CH25H: variants seen among roughly 807,000 people sequenced by gnomAD.
CH25H encodes the protein cholesterol 25-hydroxylase.
In CH25H, 10 loss-of-function variants were observed where a neutral mutation model predicts 16.6. The observed-to-expected ratio is 0.60, with a 90% confidence interval of 0.37 to 1.02. CH25H has a LOEUF of 1.02. CH25H is among the 50% of genes least tolerant of loss of function. The pLI is 0.01. For missense variants in CH25H, 326 were observed against 344.7 expected (o/e 0.95, Z 0.43); for synonymous variants, 178 against 158.8 (o/e 1.12, Z -0.91).
In CH25H at chr10:89,207,025, G is replaced by T. The variant is rs1842512268; in HGVS notation, c.268C>A (p.Gln90Lys). 1 of 1,614,026 alleles carries T rather than the reference G, an allele frequency of 6.2e-7. No homozygotes were observed. Among genetic ancestry groups the T allele is most frequent in the African/African-American group, 1.3e-5 (1 of 74,940 alleles). Residue 90 changes from glutamine to lysine, a missense_variant, in exon 1 of 1, where the codon CAG becomes AAG. Coordinates refer to ENST00000371852, the MANE Select transcript of CH25H (RefSeq NM_003956.4). ...SAQQLLPCLG[Q>K]TLYQHVMFVF... ...AACATCACATGCTGGTAGAGGGTCT[G>T]CCCCAGGCAAGGTAGCAGCTGCTGC...
In CH25H at chr10:89,206,325, A is replaced by T; in HGVS notation, c.*149T>A. On this transcript the variant is annotated 3_prime_UTR_variant, in exon 1 of 1. Coordinates refer to ENST00000371852, the MANE Select transcript of CH25H (RefSeq NM_003956.4). ...TAAATTACTTTGTCAGATTACAAAA[A>T]TGCATCAGATTTTATCTATGGTTTT... 1 of 646,710 alleles carries T rather than the reference A, an allele frequency of 1.5e-6. No homozygotes were observed. Among genetic ancestry groups the T allele is most frequent in the South Asian group, 2.0e-5 (1 of 50,126 alleles). The allele number at this position is 646,710 out of a possible 1,614,324, so 40.1% of individuals were successfully genotyped here.
rs1230838592 is a variant in CH25H, at chr10:89,205,651, T to C, written c.*823A>G. On this transcript the variant is annotated 3_prime_UTR_variant, in exon 1 of 1. Transcript: ENST00000371852. The stretch of plus-strand genomic sequence containing the variant: ...TGATTGACTGCTCAGCGTTAATCTT[T>C]CTATGAAACTTTACAGAGTAATCCT... 4 of 152,266 alleles carry C rather than the reference T, an allele frequency of 2.6e-5. No homozygotes were observed. The highest frequency in any genetic ancestry group is 6.5e-5 in the Admixed American group (1 of 15,290). The allele number at this position is 152,266 out of a possible 1,614,324, so 9.4% of individuals were successfully genotyped here.
rs748337617 is a variant in CH25H at position 89,206,660 on chromosome 10, G to A, written c.633C>T (p.Ser211=). The A allele has an allele frequency of 3.1e-6, 5 of 1,614,238 alleles. No homozygotes were observed. The highest frequency in any genetic ancestry group is 3.3e-5 in the Admixed American group (2 of 60,030). The change falls in exon 1 of 1, where the codon TCC becomes TCT. Residue 211 remains serine (S), a synonymous_variant. Transcript: ENST00000371852. ...LTFHVVNIWL[S]VEDHSGYNFP... is the part of the protein sequence containing the mutation. ...AGTTGTAGCCGGAGTGGTCCTCCAC[G>A]GAAAGCCAGATGTTGACCACGTGGA...
In CH25H at chr10:89,206,157, T is replaced by C. The variant is rs747298540; in HGVS notation, c.*317A>G. ...ACACTTTGAAACATAGAAAATTCCT[T>C]ATTCTACAAACAAGTCCTTTTAGAG... On this transcript the variant is annotated 3_prime_UTR_variant, in exon 1 of 1. Coordinates refer to ENST00000371852, the MANE Select transcript of CH25H (RefSeq NM_003956.4). 6.5e-5 allele frequency: 17 copies of C among 262,690 alleles called. No individual in the cohort carries two copies. Among genetic ancestry groups the C allele is most frequent in the Non-Finnish European group, 1.1e-4 (15 of 135,742 alleles). The allele number at this position is 262,690 out of a possible 1,614,324, so 16.3% of individuals were successfully genotyped here.
rs1332689212 is a variant in CH25H at position 89,205,654 on chromosome 10, A to G, written c.*820T>C. On this transcript the variant is annotated 3_prime_UTR_variant, in exon 1 of 1. Transcript: ENST00000371852. ...TTGACTGCTCAGCGTTAATCTTTCT[A>G]TGAAACTTTACAGAGTAATCCTATC... 1 of 152,248 alleles carries G rather than the reference A, an allele frequency of 6.6e-6. No homozygotes were observed. The highest frequency in any genetic ancestry group is 1.5e-5 in the Non-Finnish European group (1 of 68,050). The allele number at this position is 152,248 out of a possible 1,614,324, so 9.4% of individuals were successfully genotyped here. A position where few individuals can be genotyped will look rare whatever the true frequency, so the allele number is the denominator to read the frequency against.
Position 89,207,096 on chromosome 10 carries a change from G to A in CH25H, c.197C>T (p.Pro66Leu). 1 of 1,613,966 alleles carries A rather than the reference G, an allele frequency of 6.2e-7. No individual in the cohort carries two copies. The highest frequency in any genetic ancestry group is 1.1e-5 in the South Asian group (1 of 91,032). Reference sequence around the variant, plus strand: ...GTGGATCTTGTAGCGCCGCAGGGCGGGCACCCAGGAGCACAGGATATCCAG... The same window carrying A: ...GTGGATCTTGTAGCGCCGCAGGGCGAGCACCCAGGAGCACAGGATATCCAG... ...VVLDILCSWVPALRRYKIHPD... is the reference protein window; with the variant it reads ...VVLDILCSWVLALRRYKIHPD... The change falls in exon 1 of 1, where the codon CCC becomes CTC. Residue 66 changes from proline to leucine, a missense_variant. Physicochemically the swap from Pro to Leu is moderately conservative, Grantham distance 98. Transcript: ENST00000371852.
At position 89,207,121 on chromosome 10, in the gene CH25H, G is replaced by A; in HGVS notation, c.172C>T (p.Leu58=). Residue 58 remains leucine, a synonymous_variant, in exon 1 of 1, where the codon CTG becomes TTG. Transcript: ENST00000371852. ...YVGFCLPFVV[L]DILCSWVPAL... Reference sequence around the variant, plus strand: ...GGCACCCAGGAGCACAGGATATCCAGGACCACGAAGGGCAGGCAAAAGCCC... The same window carrying A: ...GGCACCCAGGAGCACAGGATATCCAAGACCACGAAGGGCAGGCAAAAGCCC... 1 of 1,613,814 alleles carries A rather than the reference G, an allele frequency of 6.2e-7. No homozygotes were observed. Among genetic ancestry groups the A allele is most frequent in the Non-Finnish European group, 8.5e-7 (1 of 1,179,852 alleles).
chr10:89,206,908 G>C lies in CH25H; in HGVS notation c.385C>G (p.Leu129Val). The part of the protein sequence containing the change: ...PELLLLLHHI[L>V]FCLLLFDMEF... ...ATGTCGAAGAGTAGCAGGCAGAACA[G>C]GATGTGGTGCAGCAGCAGGAGCAGC... Residue 129 changes from leucine (L) to valine (V), a missense_variant, in exon 1 of 1, where the codon CTG becomes GTG. Physicochemically the swap from Leu to Val is conservative, Grantham distance 32. Transcript: ENST00000371852. 6.2e-7 allele frequency: 1 copy of C among 1,614,236 alleles called. No homozygotes were observed.
At position 89,206,918 on chromosome 10, in the gene CH25H, C is replaced by A. The variant is rs778673311; in HGVS notation, c.375G>T (p.Leu125=). ...GTAGCAGGCAGAACAGGATGTGGTGCAGCAGCAGGAGCAGCTCGGGAGCTT... is the reference window on the plus strand; with the variant it reads ...GTAGCAGGCAGAACAGGATGTGGTGAAGCAGCAGGAGCAGCTCGGGAGCTT... ...PHEAPELLLL[L]HHILFCLLLF... The change falls in exon 1 of 1, where the codon CTG becomes CTT. Residue 125 remains leucine (L), a synonymous_variant. Coordinates refer to ENST00000371852, the MANE Select transcript of CH25H (RefSeq NM_003956.4). The A allele has an allele frequency of 6.2e-7, 1 of 1,614,210 alleles. No homozygotes were observed. The highest frequency in any genetic ancestry group is 8.5e-7 in the Non-Finnish European group (1 of 1,180,050).
rs763896674 is a variant in CH25H, at chr10:89,206,725, C to T, written c.568G>A (p.Val190Ile). ...AGCGGGTGGCACCCGAGCAGTGTGA[C>T]GTTCATCATGTCGAAGAAGCCCAAA... Reference protein sequence around the residue: ...FSLGFFDMMNVTLLGCHPLTT... With the variant: ...FSLGFFDMMNITLLGCHPLTT... The change falls in exon 1 of 1, where the codon GTC becomes ATC. Residue 190 changes from valine to isoleucine, a missense_variant. Transcript: ENST00000371852. The T allele has an allele frequency of 1.2e-6, 2 of 1,614,094 alleles. No homozygotes were observed. Among genetic ancestry groups the T allele is most frequent in the African/African-American group, 1.3e-5 (1 of 74,928 alleles).
Position 89,206,961 on chromosome 10 carries a change from G to T in CH25H, c.332C>A (p.Pro111Gln). The T allele has an allele frequency of 1.2e-6, 2 of 1,614,092 alleles. No individual in the cohort carries two copies. Among genetic ancestry groups the T allele is most frequent in the Non-Finnish European group, 1.7e-6 (2 of 1,180,004 alleles). The part of the protein sequence containing the change: ...PVTLLHWARS[P>Q]ALLPHEAPEL... Reference sequence around the variant, plus strand: ...GGGAGCTTCGTGGGGCAGGAGGGCCGGGCTGCGGGCCCAATGCAGCAGCGT... The same window carrying T: ...GGGAGCTTCGTGGGGCAGGAGGGCCTGGCTGCGGGCCCAATGCAGCAGCGT... Residue 111 changes from proline to glutamine, a missense_variant, in exon 1 of 1, where the codon CCG becomes CAG. Coordinates refer to ENST00000371852, the MANE Select transcript of CH25H (RefSeq NM_003956.4).
chr10:89,207,256 A>G lies in CH25H; in HGVS notation c.37T>C (p.Cys13Arg). 6.3e-7 allele frequency: 1 copy of G among 1,595,112 alleles called. No individual in the cohort carries two copies. Among genetic ancestry groups the G allele is most frequent in the Non-Finnish European group, 8.5e-7 (1 of 1,172,052 alleles). The change falls in exon 1 of 1, where the codon TGC becomes CGC. Residue 13 changes from cysteine to arginine, a missense_variant. Coordinates refer to ENST00000371852, the MANE Select transcript of CH25H (RefSeq NM_003956.4). ...TGCAGGAACAGCTGCCCGGAGCTGC[A>G]AAGGACCTGGGGGTCGGAGCAGTTG... The part of the protein sequence containing the change: ...CHNCSDPQVL[C>R]SSGQLFLQPL...
chr10:89,206,407 G>T lies in CH25H; in HGVS notation c.*67C>A. 8.2e-7 allele frequency: 1 copy of T among 1,214,898 alleles called. No homozygotes were observed. Among genetic ancestry groups the T allele is most frequent in the Non-Finnish European group, 1.2e-6 (1 of 854,466 alleles). 75.3% of individuals were successfully genotyped at this position (1,214,898 alleles called of 1,614,324 possible). ...CTTTAAAAAAATATATAGCTCAGGT[G>T]TTTCTCTTCATTCAAGTGTGAAAGG... is the stretch of plus-strand genomic sequence containing the variant. On this transcript the variant is annotated 3_prime_UTR_variant, in exon 1 of 1. Transcript: ENST00000371852.
chr10:89,206,505 G>A lies in CH25H; in HGVS notation c.788C>T (p.Thr263Met), dbSNP rs1304689271. ...YFTHWDKILG[T>M]LRTASVPAR ...CGCTGGGACAGATGCAGTCCGCAGC[G>A]TTCCCAGTATTTTGTCCCAGTGTGT... Residue 263 changes from threonine (T) to methionine (M), a missense_variant, in exon 1 of 1, where the codon ACG (threonine) becomes ATG (methionine). Thr to Met is a moderately conservative substitution (Grantham distance 81, BLOSUM62 -1). Transcript: ENST00000371852. 1 of 1,612,912 alleles carries A rather than the reference G, an allele frequency of 6.2e-7. No individual in the cohort carries two copies. Among genetic ancestry groups the A allele is most frequent in the South Asian group, 1.1e-5 (1 of 90,776 alleles).
rs1451002809 is a variant in CH25H, at chr10:89,205,957, T to C, written c.*517A>G. The stretch of plus-strand genomic sequence containing the variant: ...AATACTTATTTGATTCATGGTTTTT[T>C]TTCCTTTTTAAAGCACGAATAACAT... On this transcript the variant is annotated 3_prime_UTR_variant, in exon 1 of 1. Transcript: ENST00000371852. 2 of 153,580 alleles carry C rather than the reference T, an allele frequency of 1.3e-5. No homozygotes were observed. The highest frequency in any genetic ancestry group is 2.4e-5 in the African/African-American group (1 of 41,450). The allele number at this position is 153,580 out of a possible 1,614,324, so 9.5% of individuals were successfully genotyped here. A position where few individuals can be genotyped will look rare whatever the true frequency, so the allele number is the denominator to read the frequency against.
Position 89,206,394 on chromosome 10 carries a change from A to G in CH25H, c.*80T>C. The G allele has an allele frequency of 8.3e-6, 9 of 1,085,656 alleles. No homozygotes were observed. Among genetic ancestry groups the G allele is most frequent in the Non-Finnish European group, 1.2e-5 (9 of 754,568 alleles). The allele number at this position is 1,085,656 out of a possible 1,614,324, so 67.3% of individuals were successfully genotyped here. On this transcript the variant is annotated 3_prime_UTR_variant, in exon 1 of 1. Transcript: ENST00000371852. ...AATAAGTTAGTTGCTTTAAAAAAATATATAGCTCAGGTGTTTCTCTTCATT... is the reference window on the plus strand; with the variant it reads ...AATAAGTTAGTTGCTTTAAAAAAATGTATAGCTCAGGTGTTTCTCTTCATT...
rs1842507021 is a variant in CH25H at position 89,206,497 on chromosome 10, TC to T, written c.795del (p.Thr266LeufsTer26). On this transcript the variant is annotated frameshift_variant, in exon 1 of 1. Transcript: ENST00000371852. LOFTEE classifies it low-confidence loss of function (END_TRUNC). ...CATCACCGCGCTGGGACAGATGCAG[TC>T]CGCAGCGTTCCCAGTATTTTGTCCC... ...THWDKILGTL[R>X]TASVPAR 6.2e-7 allele frequency: 1 copy of T among 1,611,498 alleles called. No homozygotes were observed. Among genetic ancestry groups the T allele is most frequent in the Non-Finnish European group, 8.5e-7 (1 of 1,178,818 alleles).
chr10:89,206,616 CTG>C lies in CH25H; in HGVS notation c.675_676del (p.His225GlnfsTer22), dbSNP rs747835519. The C allele has an allele frequency of 1.9e-6, 3 of 1,614,218 alleles. No homozygotes were observed. The highest frequency in any genetic ancestry group is 2.5e-6 in the Non-Finnish European group (3 of 1,180,038). ...CCCGTACCACCCGAAGGGCACCAGTCTGTGAGTGGACCAAGGGAAGTTGTAGC... is the reference window on the plus strand; with the variant it reads ...CCCGTACCACCCGAAGGGCACCAGTCTGAGTGGACCAAGGGAAGTTGTAGC... On this transcript the variant is annotated frameshift_variant, in exon 1 of 1. Coordinates refer to ENST00000371852, the MANE Select transcript of CH25H (RefSeq NM_003956.4). LOFTEE classifies it high-confidence loss of function.
At position 89,207,200 on chromosome 10, in the gene CH25H, C is replaced by G. The variant is rs563011591; in HGVS notation, c.93G>C (p.Glu31Asp). ...QPLWDHLRSWEALLQSPFFPV... is the reference protein window; with the variant it reads ...QPLWDHLRSWDALLQSPFFPV... The stretch of plus-strand genomic sequence containing the variant: ...GGAAGAAGGGCGACTGTAGGAGGGC[C>G]TCCCAGCTCCTCAGGTGGTCCCAGA... The change falls in exon 1 of 1, where the codon GAG becomes GAC. Residue 31 changes from glutamate to aspartate, a missense_variant. Transcript: ENST00000371852. The G allele has an allele frequency of 6.2e-7, 1 of 1,609,828 alleles. No homozygotes were observed. Among genetic ancestry groups the G allele is most frequent in the South Asian group, 1.1e-5 (1 of 90,136 alleles).
Sources: gnomAD v4.1 joint callset for allele counts on GRCh38, gnomAD v4.1.1 for gene constraint, MANE v1.5 for transcripts, NCBI Gene and HGNC (gene_info 2026-07-23, HGNC 2026-07-21) for gene names.